Variants in PURG observed in about 807,000 individuals in gnomAD.
PURG encodes purine rich element binding protein G.
In PURG, 3 loss-of-function variants were observed where a neutral mutation model predicts 24.3. The ratio of observed to expected loss-of-function variants is 0.12; its 90% CI spans 0.06 to 0.32. The LOEUF (loss-of-function observed/expected upper bound fraction) is 0.32, where lower values mean the gene tolerates loss of function less well. Ranked by LOEUF, PURG falls within the 10% of genes least tolerant of loss-of-function variation. The pLI is 1.00. For missense variants in PURG, 371 were observed against 439.1 expected, an observed-to-expected ratio of 0.84 and a Z score of 1.39; for synonymous variants, 180 against 173.1, an observed-to-expected ratio of 1.04 and a Z score of -0.31.
intron 1 of PURG, among the ~76,000 whole-genome samples, chr8:31,013,642 C>T (rs1415518259): frequency 6.6e-6 from 1 of 152,174 alleles, no homozygotes; most frequent in Non-Finnish European, 1.5e-5. Flanking sequence ...GAGGCTGAAG[C>T]AGGAGAATCA....
At chr8:31,003,476 A>G (rs1810580622) in intron 1 of PURG, among the ~76,000 whole-genome samples, 1 of 151,966 alleles carries the variant, frequency 6.6e-6, no homozygotes, top group South Asian at 2.1e-4. Context: ...AAATACAGAA[A>G]ACTGGCTGGG....
chr8:31,021,352 T>C (rs1810985104), intron 1 of PURG, among the ~76,000 whole-genome samples: 1 of 152,244 alleles, frequency 6.6e-6, no homozygotes, highest in South Asian at 2.1e-4. Flanking sequence ...GAAGCTCTTC[T>C]ACATTCTTAT....
intron 1 of PURG, among the ~76,000 whole-genome samples, chr8:31,022,773 T>C (rs887637392): frequency 6.6e-6 from 1 of 152,258 alleles, no homozygotes; most frequent in Non-Finnish European, 1.5e-5. Flanking sequence ...ATTGACATTC[T>C]AGACTGACAA....
At chr8:31,023,671 C>T (rs1353166252) in intron 1 of PURG, among the ~76,000 whole-genome samples, 1 of 152,116 alleles carries the variant, frequency 6.6e-6, no homozygotes, top group African/African-American at 2.4e-5. Context: ...AAAAAAAACC[C>T]CCAAACCATT....
chr8:31,017,039 C>T (rs1310857413), intron 1 of PURG, among the ~76,000 whole-genome samples: 2 of 152,156 alleles, frequency 1.3e-5, no homozygotes, highest in African/African-American at 4.8e-5. Flanking sequence ...TTAGAAGAGA[C>T]ACATTCCAGG....
chr8:31,002,159 C>G (rs575164285), intron 1 of PURG, among the ~76,000 whole-genome samples: 2 of 152,240 alleles, frequency 1.3e-5, no homozygotes, highest in East Asian at 1.9e-4. Flanking sequence ...CTGGGGACTA[C>G]TAGTTCTTCA....
chr8:31,032,943 G>T lies in PURG; in HGVS notation c.-7+135C>A, dbSNP rs1296258134. 9.3e-6 allele frequency: 3 copies of T among 321,288 alleles called. No homozygotes were observed. Among genetic ancestry groups the T allele is most frequent in the Non-Finnish European group, 1.4e-5 (3 of 218,526 alleles). 19.9% of individuals were successfully genotyped at this position (321,288 alleles called of 1,614,324 possible). A position where few individuals can be genotyped will look rare whatever the true frequency, so the allele number is the denominator to read the frequency against. On this transcript the variant is annotated intron_variant, in intron 1 of 1. Transcript: ENST00000523392. The surrounding 1 kb of genome is among the most constrained non-coding windows in gnomAD (Gnocchi z 5.9). ...GCAGCGCGGGGCTCCAGCCACTGCC[G>T]GCCGGTTGGCGGCCGCCGCTCCGGC... is the stretch of plus-strand genomic sequence containing the variant.
intron 1 of PURG, among the ~76,000 whole-genome samples, chr8:31,007,847 A>C (rs1810685286): frequency 1.3e-5 from 2 of 152,350 alleles, no homozygotes; most frequent in South Asian, 4.1e-4. Context: ...TAAAAAAAGA[A>C]AAAAACAAAG....
chr8:31,005,745 G>C (rs1434594949), intron 1 of PURG, among the ~76,000 whole-genome samples: 2 of 149,180 alleles, frequency 1.3e-5, no homozygotes, highest in Admixed American at 1.4e-4. Context: ...TAAAGCATCA[G>C]AAATTGCTTA....
In PURG at chr8:31,031,631, TA is replaced by T; in HGVS notation, c.*107del. The T allele has an allele frequency of 1.0e-6, 1 of 985,306 alleles. No homozygotes were observed. The highest frequency in any genetic ancestry group is 1.5e-6 in the Non-Finnish European group (1 of 683,460). 61.0% of individuals were successfully genotyped at this position (985,306 alleles called of 1,614,324 possible). A position where few individuals can be genotyped will look rare whatever the true frequency, so the allele number is the denominator to read the frequency against. ...AAGTATCAACTACTAGAGGTATTAC[TA>T]ATAACAACGGGCCAAAAAAGAGGAA... On this transcript the variant is annotated 3_prime_UTR_variant, in exon 2 of 2. Transcript: ENST00000523392.
At chr8:31,001,791 A>T (rs533583288) in intron 1 of PURG, among the ~76,000 whole-genome samples, 1 of 152,276 alleles carries the variant, frequency 6.6e-6, no homozygotes, top group Non-Finnish European at 1.5e-5. Context: ...TGTCTTAAAG[A>T]ATAGGGTAGT....
intron 1 of PURG, among the ~76,000 whole-genome samples, chr8:31,023,593 TAAGAC>T (rs1220562443): frequency 6.6e-6 from 1 of 151,834 alleles, no homozygotes; most frequent in Non-Finnish European, 1.5e-5. Flanking sequence ...TAAATGCTTC[TAAGAC>T]AAAACCCTTG....
intron 1 of PURG, among the ~76,000 whole-genome samples, chr8:31,007,816 A>G (rs1161300927): frequency 1.3e-5 from 2 of 152,216 alleles, no homozygotes; most frequent in Non-Finnish European, 2.9e-5. Context: ...TCATGCAAAC[A>G]GCCTAATGAT....
At chr8:31,008,994 A>G (rs1269545175) in intron 1 of PURG, among the ~76,000 whole-genome samples, 1 of 152,200 alleles carries the variant, frequency 6.6e-6, no homozygotes, top group African/African-American at 2.4e-5. Context: ...TTCTCCCGGC[A>G]AAAGGCAAGT....
downstream of PURG, among the ~76,000 whole-genome samples, chr8:31,028,326 C>T (rs1811127385): frequency 6.6e-6 from 1 of 151,758 alleles, no homozygotes; most frequent in East Asian, 1.9e-4. Context: ...AACAACAGTT[C>T]CAACACAAAC....
chr8:31,013,949 A>G (rs1810808792), intron 1 of PURG, among the ~76,000 whole-genome samples: 1 of 152,192 alleles, frequency 6.6e-6, no homozygotes, highest in Admixed American at 6.5e-5. Flanking sequence ...ATTGCCTGGA[A>G]CATTACTGAA....
At chr8:30,996,485 T>C (rs563608089) in exon 2 of PURG, 1 of 730,990 alleles carries the variant, frequency 1.4e-6, no homozygotes, top group Non-Finnish European at 2.3e-6. Flanking sequence ...TTGTCTTCCC[T>C]TCCGTGGAGG....
In PURG at chr8:31,019,327, A is replaced by ATTT. The variant is rs771463137; in HGVS notation, c.864+12589_864+12591dup. Among the ~76,000 whole-genome samples, 18 of 78,946 alleles carry ATTT rather than the reference A, an allele frequency of 2.3e-4. 2 individuals are homozygous for ATTT. Among genetic ancestry groups the ATTT allele is most frequent in the South Asian group, 6.4e-4 (1 of 1,556 alleles). 51.8% of individuals were successfully genotyped at this position (78,946 alleles called of 152,430 possible). On this transcript the variant is annotated intron_variant, in intron 1 of 1. Transcript: ENST00000339382. Reference sequence around the variant, plus strand: ...TGAGTGTTCAGGTGAAACACCTCTAATTTTTTTTTTTTTTTTTTTTTTTTT... The same window carrying ATTT: ...TGAGTGTTCAGGTGAAACACCTCTAATTTTTTTTTTTTTTTTTTTTTTTTTTTT...
intron 1 of PURG, among the ~76,000 whole-genome samples, chr8:31,018,160 C>T (rs756482703): frequency 7.2e-5 from 11 of 152,096 alleles, no homozygotes; most frequent in Non-Finnish European, 1.0e-4. Flanking sequence ...CTAGTTCTTA[C>T]GTTGTTTTGC....
Sources: allele counts gnomAD v4.1 joint callset (sites outside exome capture counted in the v4.1 genomes callset), GRCh38; gene constraint gnomAD v4.1.1; non-coding constraint Gnocchi (gnomAD v3.1); transcripts MANE v1.5; gene names NCBI Gene and HGNC (gene_info 2026-07-23, HGNC 2026-07-21).